Variants in KNDC1 observed in about 807,000 individuals in gnomAD.
The protein encoded by KNDC1 is kinase non-catalytic C-lobe domain containing 1.
A neutral mutation model predicts 172.8 loss-of-function variants in KNDC1; 106 were observed. That is an observed-to-expected ratio of 0.61 (90% confidence interval 0.52 to 0.72). KNDC1 has a LOEUF of 0.72. Ranked by LOEUF, KNDC1 falls within the 30% of genes least tolerant of loss-of-function variation. The pLI is 0.00. For synonymous variants in KNDC1, 1,083 were observed against 1,062.2 expected (o/e 1.02, Z -0.38); for missense variants, 2,325 against 2,394.5 (o/e 0.97, Z 0.61).
rs750274751 is a variant in KNDC1, at chr10:133,167,408, T to C, written c.130T>C (p.Ser44Pro). 2 of 1,597,904 alleles carry C rather than the reference T, an allele frequency of 1.3e-6. No individual in the cohort carries two copies. The highest frequency in any genetic ancestry group is 1.7e-6 in the Non-Finnish European group (2 of 1,174,196). Residue 44 changes from serine to proline, a missense_variant, in exon 2 of 30, where the codon TCC becomes CCC. Ser to Pro is a moderately conservative substitution (Grantham distance 74). Coordinates refer to ENST00000304613, the MANE Select transcript of KNDC1 (RefSeq NM_152643.8). ...GAACGTGTCTCTGGCTGACATCCTC[T>C]CCCTGCGGGACCGCGGCCTCAGCGA... ...EENVSLADIL[S>P]LRDRGLSEQE...
chr10:133,212,639 C>CA, intron 23 of KNDC1, 77 bp from the exon 24 acceptor site: 2 of 1,330,340 alleles, frequency 1.5e-6, no homozygotes, highest in Non-Finnish European at 2.1e-6. Context: ...TCCTCACCCC[C>CA]CAACCCTGCC....
intron 9 of KNDC1, 86 bp downstream of exon 9, chr10:133,189,899 C>A: frequency 8.6e-7 from 1 of 1,158,040 alleles, no homozygotes; most frequent in Admixed American, 1.9e-5. Flanking sequence ...AGCCCCCCAT[C>A]AGGACTCGAG....
At chr10:133,196,551 G>A (rs374111727) in intron 10 of KNDC1, among the ~76,000 whole-genome samples, 27 of 152,332 alleles carry the variant, frequency 1.8e-4, no homozygotes, top group African/African-American at 6.0e-4. Flanking sequence ...GGTCTTGGGC[G>A]GGTTGCTCAG....
intron 5 of KNDC1, among the ~76,000 whole-genome samples, chr10:133,184,431 TCA>T (rs1853832260): frequency 6.7e-6 from 1 of 150,180 alleles, no homozygotes; most frequent in African/African-American, 2.5e-5. Flanking sequence ...CATTCAGAGA[TCA>T]CACAAACTCA....
rs779668040 is a variant in KNDC1, at chr10:133,206,861, G to A, written c.3487G>A (p.Asp1163Asn). The change falls in exon 19 of 30, where the codon GAC becomes AAC. Residue 1163 changes from aspartate (D) to asparagine (N), a missense_variant. Asp to Asn is a conservative substitution (Grantham distance 23). Transcript: ENST00000304613. Reference sequence around the variant, plus strand: ...CCACTCTGCTCCACCCACAGGTTCCGACGTCAAGACCATGCTGTCCAAGCT... The same window carrying A: ...CCACTCTGCTCCACCCACAGGTTCCAACGTCAAGACCATGCTGTCCAAGCT... Reference protein sequence around the residue: ...LQKEKRNKGSDVKTMLSKLKG... With the variant: ...LQKEKRNKGSNVKTMLSKLKG... The A allele has an allele frequency of 1.2e-5, 20 of 1,613,998 alleles. No individual in the cohort carries two copies. The highest frequency in any genetic ancestry group is 2.2e-5 in the East Asian group (1 of 44,892).
chr10:133,221,541 C>G (rs779984909), intron 29 of KNDC1, among the ~76,000 whole-genome samples: 1 of 152,154 alleles, frequency 6.6e-6, no homozygotes, highest in African/African-American at 2.4e-5. Flanking sequence ...CATCGCCTGC[C>G]GTTGTCCACA....
At chr10:133,170,123 G>A (rs912123641) in intron 3 of KNDC1, among the ~76,000 whole-genome samples, 12 of 152,356 alleles carry the variant, frequency 7.9e-5, no homozygotes, top group Non-Finnish European at 1.2e-4. Context: ...CGGGTGAAAC[G>A]CTACATTTAA....
intron 1 of KNDC1, among the ~76,000 whole-genome samples, chr10:133,162,251 T>C (rs911849472): frequency 3.2e-4 from 49 of 152,134 alleles, no homozygotes; most frequent in Admixed American, 3.3e-4. Flanking sequence ...GCGTTCAGAC[T>C]CTGCTTCCCA....
At position 133,209,186 on chromosome 10, in the gene KNDC1, G is replaced by T. The variant is rs904564803; in HGVS notation, c.3795-1425G>T. On this transcript the variant is annotated intron_variant, in intron 20 of 29. Coordinates refer to ENST00000304613, the MANE Select transcript of KNDC1 (RefSeq NM_152643.8). The surrounding 1 kb of genome is among the most constrained non-coding windows in gnomAD (Gnocchi z 4.9). ...CAGGTGTGCATGTGTGTATGGCATG[G>T]GGTGTAGTGTGGCGTGTACACGTGT... is the stretch of plus-strand genomic sequence containing the variant. Among the ~76,000 whole-genome samples, 1 of 151,600 alleles carries T rather than the reference G, an allele frequency of 6.6e-6. No individual in the cohort carries two copies. Among genetic ancestry groups the T allele is most frequent in the African/African-American group, 2.4e-5 (1 of 41,202 alleles).
At chr10:133,215,050 C>T (rs1845446064) in intron 26 of KNDC1, among the ~76,000 whole-genome samples, 1 of 152,190 alleles carries the variant, frequency 6.6e-6, no homozygotes, top group African/African-American at 2.4e-5. Flanking sequence ...TCAGCTGGCG[C>T]TTGGCTGTCG....
chr10:133,225,307 A>G lies in KNDC1; in HGVS notation c.*417A>G. 1 of 208,590 alleles carries G rather than the reference A, an allele frequency of 4.8e-6. No individual in the cohort carries two copies. Among genetic ancestry groups the G allele is most frequent in the Non-Finnish European group, 9.7e-6 (1 of 102,990 alleles). 12.9% of individuals were successfully genotyped at this position (208,590 alleles called of 1,614,324 possible). ...CAAACTTCAGAGTAGCTCCTCCCTG[A>G]GCAGGTTTCTGAGCCAGCCTGGGTT... On this transcript the variant is annotated 3_prime_UTR_variant, in exon 30 of 30. Coordinates refer to ENST00000304613, the MANE Select transcript of KNDC1 (RefSeq NM_152643.8).
At position 133,189,602 on chromosome 10, in the gene KNDC1, C is replaced by T; in HGVS notation, c.1446C>T (p.Tyr482=). Residue 482 remains tyrosine, a synonymous_variant, in exon 8 of 30, where the codon TAC becomes TAT. Coordinates refer to ENST00000304613, the MANE Select transcript of KNDC1 (RefSeq NM_152643.8). ...CTGACCCAAGCTCTGCCACAGCCTACCTGTGTCTGGACTCCGTGCTGGTTG... is the reference window on the plus strand; with the variant it reads ...CTGACCCAAGCTCTGCCACAGCCTATCTGTGTCTGGACTCCGTGCTGGTTG... ...ALQTRPEHPA[Y]LCLDSVLVAE... 1.2e-6 allele frequency: 2 copies of T among 1,613,472 alleles called. No homozygotes were observed. Among genetic ancestry groups the T allele is most frequent in the Non-Finnish European group, 1.7e-6 (2 of 1,179,976 alleles).
intron 26 of KNDC1, 147 bp from the exon 27 acceptor site, chr10:133,218,684 T>A: frequency 2.0e-6 from 2 of 1,014,210 alleles, no homozygotes; most frequent in Non-Finnish European, 2.9e-6. Flanking sequence ...ACCGCTCACC[T>A]GCGTCCACAC....
At chr10:133,202,209 G>A (rs1854395068) in intron 17 of KNDC1, 1 of 647,882 alleles carries the variant, frequency 1.5e-6, no homozygotes, top group African/African-American at 1.8e-5. Context: ...CTCGTGACCA[G>A]GTTGCGTTCG....
chr10:133,165,958 C>T (rs748420680), intron 1 of KNDC1, among the ~76,000 whole-genome samples: 24 of 152,206 alleles, frequency 1.6e-4, no homozygotes, highest in Non-Finnish European at 3.2e-4. Context: ...AGGAGATGGA[C>T]GGGATGTGCC....
intron 3 of KNDC1, among the ~76,000 whole-genome samples, 171 bp from the exon 4 acceptor site, chr10:133,183,173 G>A (rs1262896468): frequency 6.6e-6 from 1 of 151,118 alleles, no homozygotes; most frequent in African/African-American, 2.4e-5. Context: ...GGGTGCCAGC[G>A]GCGTGGGCGC....
intron 7 of KNDC1, 21 bp downstream of exon 7, chr10:133,188,674 T>TGGGG: frequency 8.2e-7 from 1 of 1,215,918 alleles, no homozygotes; most frequent in East Asian, 3.8e-5. Context: ...CACCATCCCA[T>TGGGG]CCCCCCCGCC....
chr10:133,203,542 G>A (rs904332811), intron 17 of KNDC1, among the ~76,000 whole-genome samples: 3 of 152,264 alleles, frequency 2.0e-5, no homozygotes, highest in Non-Finnish European at 4.4e-5. Context: ...AGCAGCCGGT[G>A]GGCATTTCCT....
At chr10:133,213,039 C>A (rs1845403352) in intron 24 of KNDC1, 117 bp downstream of exon 24, 5 of 921,418 alleles carry the variant, frequency 5.4e-6, no homozygotes, top group Non-Finnish European at 8.0e-6. Flanking sequence ...AGAGAAGGGG[C>A]CAGCTGCCAG....
Sources: allele counts gnomAD v4.1 joint callset (sites outside exome capture counted in the v4.1 genomes callset), GRCh38; gene constraint gnomAD v4.1.1; non-coding constraint Gnocchi (gnomAD v3.1); transcripts MANE v1.5; gene names NCBI Gene and HGNC (gene_info 2026-07-23, HGNC 2026-07-21).